Variants in ADAMTS14 observed in about 807,000 individuals in gnomAD.
The protein encoded by ADAMTS14 is A disintegrin and metalloproteinase with thrombospondin motifs 14.
Under a neutral mutation model 128.6 loss-of-function variants are expected in ADAMTS14, and 100 were observed. That is an observed-to-expected ratio of 0.78 (90% confidence interval 0.66 to 0.92). ADAMTS14 has a LOEUF of 0.92. Among genes scored for constraint, ADAMTS14 ranks in the 40% least tolerant of loss-of-function variants. ADAMTS14 has a pLI of 0.00. For synonymous variants in ADAMTS14, 665 were observed against 653.8 expected, an observed-to-expected ratio of 1.02 and a Z score of -0.26; for missense variants, 1,562 against 1,658.6, an observed-to-expected ratio of 0.94 and a Z score of 1.01.
intron 4 of ADAMTS14, among the ~76,000 whole-genome samples, chr10:70,711,999 C>T (rs1840877023): frequency 6.6e-6 from 1 of 151,752 alleles, no homozygotes; most frequent in African/African-American, 2.4e-5. Flanking sequence ...AGGAGCCTAG[C>T]ATGTGGTTTT....
intron 19 of ADAMTS14, among the ~76,000 whole-genome samples, chr10:70,757,537 G>T (rs1842504876): frequency 6.6e-6 from 1 of 152,112 alleles, no homozygotes; most frequent in Non-Finnish European, 1.5e-5. Context: ...CACCTGCCCA[G>T]GTCACACCAT....
At chr10:70,690,639 C>T (rs1840156963) in intron 2 of ADAMTS14, among the ~76,000 whole-genome samples, 1 of 145,100 alleles carries the variant, frequency 6.9e-6, no homozygotes, top group Non-Finnish European at 1.6e-5. Flanking sequence ...CTGGGCCAGG[C>T]TGCTGTAGGG....
intron 15 of ADAMTS14, among the ~76,000 whole-genome samples, chr10:70,748,108 G>A (rs562181975): frequency 4.6e-5 from 7 of 152,312 alleles, no homozygotes; most frequent in East Asian, 3.9e-4. Flanking sequence ...CTTTTCATGC[G>A]TATGTTTAGT....
chr10:70,684,204 G>A (rs537529272), intron 2 of ADAMTS14, among the ~76,000 whole-genome samples: 162 of 152,074 alleles, frequency 1.1e-3, no homozygotes, highest in African/African-American at 3.7e-3. Flanking sequence ...TCACTGTCAC[G>A]GTAACAGTGC....
chr10:70,688,595 C>G (rs1276053012), intron 2 of ADAMTS14, among the ~76,000 whole-genome samples: 2 of 89,648 alleles, frequency 2.2e-5, no homozygotes, highest in African/African-American at 4.0e-5. Context: ...ACTGAGTGAA[C>G]GAGACTCCGT....
In ADAMTS14 at chr10:70,760,290, G is replaced by A. The variant is rs1842574618; in HGVS notation, c.3179-70G>A. The stretch of plus-strand genomic sequence containing the variant: ...GGGCGGGCAGTCAGTGGGTAAGTGG[G>A]AGGGGGGGCCACCTGACTGACAGGC... On this transcript the variant is annotated intron_variant, in intron 21 of 21. Coordinates refer to ENST00000373207, the MANE Select transcript of ADAMTS14 (RefSeq NM_080722.4). The A allele has an allele frequency of 2.7e-6, 4 of 1,499,812 alleles. 1 individual carries two copies. The South Asian group carries it at 4.0e-5, about 15-fold the overall frequency. 92.9% of individuals were successfully genotyped at this position (1,499,812 alleles called of 1,614,324 possible).
chr10:70,684,048 C>A (rs531257875), intron 2 of ADAMTS14, among the ~76,000 whole-genome samples: 4 of 151,792 alleles, frequency 2.6e-5, no homozygotes, highest in African/African-American at 9.7e-5. Flanking sequence ...GGAAGCATAG[C>A]GGCTTCCACT....
At chr10:70,709,569 C>T (rs956803350) in intron 4 of ADAMTS14, among the ~76,000 whole-genome samples, 9 of 127,512 alleles carry the variant, frequency 7.1e-5, no homozygotes, top group African/African-American at 2.4e-4. Context: ...GGCACAATCT[C>T]GGCTCACTGC....
chr10:70,686,345 C>A (rs1304706443), intron 2 of ADAMTS14, among the ~76,000 whole-genome samples: 1 of 123,932 alleles, frequency 8.1e-6, no homozygotes, highest in African/African-American at 3.1e-5. Context: ...GGGGATTTGG[C>A]AGGGTCATGG....
intron 16 of ADAMTS14, 86 bp downstream of exon 16, chr10:70,750,071 A>G: frequency 6.5e-7 from 1 of 1,542,804 alleles, no homozygotes; most frequent in Non-Finnish European, 8.8e-7. Flanking sequence ...CCAGCGTGAC[A>G]CCATTCTGGT....
intron 19 of ADAMTS14, among the ~76,000 whole-genome samples, chr10:70,755,308 T>C: frequency 9.8e-6 from 1 of 101,932 alleles, no homozygotes; most frequent in Admixed American, 1.1e-4. Context: ...CAAGAGCTTG[T>C]CTCACAAAAA....
chr10:70,717,431 T>C (rs189633693), intron 4 of ADAMTS14, among the ~76,000 whole-genome samples: 3 of 152,134 alleles, frequency 2.0e-5, no homozygotes, highest in East Asian at 1.9e-4. Flanking sequence ...CCCAAGTGTG[T>C]GGCAACAGGT....
In ADAMTS14 at chr10:70,702,309, CA is replaced by C; in HGVS notation, c.523-2del. On this transcript the variant is annotated splice_acceptor_variant, in intron 2 of 21. Coordinates refer to ENST00000373207, the MANE Select transcript of ADAMTS14 (RefSeq NM_080722.4). LOFTEE classifies it high-confidence loss of function. ...TTCCCGCTGCTTGCCGTCCCTGGTT[CA>C]GGCGGGCCTCATCCGCACAGACAGC... The C allele has an allele frequency of 6.2e-7, 1 of 1,614,146 alleles. No individual in the cohort carries two copies. Among genetic ancestry groups the C allele is most frequent in the African/African-American group, 1.3e-5 (1 of 75,062 alleles).
chr10:70,761,047 C>A lies in ADAMTS14; in HGVS notation c.*194C>A. 1 of 876,914 alleles carries A rather than the reference C, an allele frequency of 1.1e-6. No individual in the cohort carries two copies. Among genetic ancestry groups the A allele is most frequent in the Non-Finnish European group, 1.6e-6 (1 of 614,686 alleles). The allele number at this position is 876,914 out of a possible 1,614,324, so 54.3% of individuals were successfully genotyped here. A position where few individuals can be genotyped will look rare whatever the true frequency, so the allele number is the denominator to read the frequency against. On this transcript the variant is annotated 3_prime_UTR_variant, in exon 22 of 22. Transcript: ENST00000373207. Reference sequence around the variant, plus strand: ...GGAGGAAGACAAAGATCAGGGAAAGCCCTAATCGGAGATACCTCAGCAAGC... The same window carrying A: ...GGAGGAAGACAAAGATCAGGGAAAGACCTAATCGGAGATACCTCAGCAAGC...
At chr10:70,723,876 G>A (rs1400179527) in intron 4 of ADAMTS14, among the ~76,000 whole-genome samples, 2 of 152,370 alleles carry the variant, frequency 1.3e-5, no homozygotes, top group South Asian at 2.1e-4. Flanking sequence ...GCAGCTGAGT[G>A]TAGTGGCTAA....
chr10:70,738,480 C>A (rs1286054969), intron 10 of ADAMTS14, among the ~76,000 whole-genome samples: 2 of 152,196 alleles, frequency 1.3e-5, no homozygotes, highest in Non-Finnish European at 2.9e-5. Context: ...GAGCCAAGAT[C>A]AACTCTAGCT....
intron 3 of ADAMTS14, among the ~76,000 whole-genome samples, chr10:70,704,500 C>T (rs915386971): frequency 6.6e-6 from 1 of 151,914 alleles, no homozygotes; most frequent in Admixed American, 6.6e-5. Flanking sequence ...GACACAAACA[C>T]ACGCTCACAA....
intron 4 of ADAMTS14, among the ~76,000 whole-genome samples, chr10:70,722,314 A>G (rs1221913124): frequency 6.6e-6 from 1 of 152,148 alleles, no homozygotes; most frequent in African/African-American, 2.4e-5. Context: ...TCGTCTCCCT[A>G]GGACTGAGAA....
Position 70,675,104 on chromosome 10 carries a change from G to A in ADAMTS14, c.522+109G>A. 9.7e-6 allele frequency: 13 copies of A among 1,338,268 alleles called. No individual in the cohort carries two copies. The South Asian group carries it at 1.6e-4, about 17-fold the overall frequency. The allele number at this position is 1,338,268 out of a possible 1,614,324, so 82.9% of individuals were successfully genotyped here. ...TTGCAGTCTGGGCCAAGGCAGGGGT[G>A]GTGCTGCCTTCCAGAGGGAGTGCCG... On this transcript the variant is annotated intron_variant, in intron 2 of 21. Coordinates refer to ENST00000373207, the MANE Select transcript of ADAMTS14 (RefSeq NM_080722.4).
Sources: allele counts gnomAD v4.1 joint callset (sites outside exome capture counted in the v4.1 genomes callset), GRCh38; gene constraint gnomAD v4.1.1; transcripts MANE v1.5; gene names NCBI Gene and HGNC (gene_info 2026-07-23, HGNC 2026-07-21).